The following REC114 variants were observed in gnomAD, a reference collection of about 807,000 sequenced individuals.
REC114 encodes the protein REC114 meiotic recombination protein.
A neutral mutation model predicts 31.3 loss-of-function variants in REC114; 27 were observed. The ratio of observed to expected loss-of-function variants is 0.86; its 90% CI spans 0.64 to 1.19. REC114 has a LOEUF of 1.19. REC114 is among the 50% of genes most tolerant of loss of function. The probability of loss-of-function intolerance (pLI) is 0.00; values close to 1 mark genes in which losing one functional copy is unlikely to be tolerated. For synonymous variants in REC114, 134 were observed against 127.7 expected (o/e 1.05, Z -0.33); for missense variants, 344 against 326.9 (o/e 1.05, Z -0.40).
Position 73,551,159 on chromosome 15 carries a change from G to A in REC114, c.546+9G>A. ...TCCCACGGCAGCCTGGAGTAAGTAG[G>A]CTGATGTGTTGGTTATACAGGAAAC... On this transcript the variant is annotated intron_variant, in intron 4 of 5. Coordinates refer to ENST00000331090, the MANE Select transcript of REC114 (RefSeq NM_001042367.2). The A allele has an allele frequency of 6.3e-7, 1 of 1,589,658 alleles. No individual in the cohort carries two copies. Among genetic ancestry groups the A allele is most frequent in the South Asian group, 1.1e-5 (1 of 87,920 alleles).
In REC114 at chr15:73,551,097, GC is replaced by G; in HGVS notation, c.494del (p.Ala165GlufsTer30). 1 of 1,613,254 alleles carries G rather than the reference GC, an allele frequency of 6.2e-7. No individual in the cohort carries two copies. Among genetic ancestry groups the G allele is most frequent in the South Asian group, 1.1e-5 (1 of 90,992 alleles). The stretch of plus-strand genomic sequence containing the variant: ...TCAGCTGATTCCTGGCCCACCCAGG[GC>G]AACTGAAAGTCAAGGGAAGGATTCT... ...ELQLIPGPPR[A>X]TESQGKDSAK... On this transcript the variant is annotated frameshift_variant, in exon 4 of 6. Transcript: ENST00000331090. LOFTEE classifies it high-confidence loss of function.
At chr15:73,480,269 TTTTTTA>T (rs917090469) in intron 2 of REC114, among the ~76,000 whole-genome samples, 2 of 151,934 alleles carry the variant, frequency 1.3e-5, no homozygotes, top group African/African-American at 4.8e-5. Context: ...TTTGCTAATT[TTTTTTA>T]TTTTTATTTT....
At chr15:73,535,038 T>C (rs1236725117) in intron 2 of REC114, among the ~76,000 whole-genome samples, 1 of 140,712 alleles carries the variant, frequency 7.1e-6, no homozygotes, top group Non-Finnish European at 1.5e-5. Flanking sequence ...TTCAAAATGA[T>C]AAGAGCTATC....
At chr15:73,526,069 C>G (rs1567889782) in intron 2 of REC114, among the ~76,000 whole-genome samples, 1 of 152,262 alleles carries the variant, frequency 6.6e-6, no homozygotes, top group East Asian at 1.9e-4. Flanking sequence ...AACCCTTTAT[C>G]ATAATGAGAT....
chr15:73,473,582 A>G (rs1893164730), intron 1 of REC114, among the ~76,000 whole-genome samples: 1 of 152,168 alleles, frequency 6.6e-6, no homozygotes, highest in South Asian at 2.1e-4. Flanking sequence ...ATGATTCTTA[A>G]TCTGATATTC....
At chr15:73,521,759 C>T (rs1483812099) in intron 2 of REC114, among the ~76,000 whole-genome samples, 2 of 152,012 alleles carry the variant, frequency 1.3e-5, no homozygotes, top group African/African-American at 2.4e-5. Flanking sequence ...CCAAAGCTAA[C>T]AGAAGAAAGA....
chr15:73,461,948 T>TA (rs1451060041), intron 1 of REC114, among the ~76,000 whole-genome samples: 8 of 132,664 alleles, frequency 6.0e-5, no homozygotes, highest in East Asian at 4.3e-4. Context: ...TTTTTTTTTT[T>TA]AAAGACAGAG....
chr15:73,538,144 C>T (rs192588637), intron 2 of REC114, among the ~76,000 whole-genome samples: 1 of 152,202 alleles, frequency 6.6e-6, no homozygotes, highest in African/African-American at 2.4e-5. Flanking sequence ...AAGCAGTGAA[C>T]AATATTTTCC....
At chr15:73,517,011 G>A (rs1446173793) in intron 2 of REC114, among the ~76,000 whole-genome samples, 1 of 152,176 alleles carries the variant, frequency 6.6e-6, no homozygotes, top group African/African-American at 2.4e-5. Context: ...TGTGTACTGG[G>A]GAAGGTGAGG....
At chr15:73,550,706 T>C (rs865873674) in intron 3 of REC114, among the ~76,000 whole-genome samples, 2 of 152,154 alleles carry the variant, frequency 1.3e-5, no homozygotes, top group African/African-American at 4.8e-5. Flanking sequence ...TTTTCCACTG[T>C]TGCTGATGTC....
chr15:73,531,855 A>T (rs939327652), intron 2 of REC114, among the ~76,000 whole-genome samples: 1 of 152,038 alleles, frequency 6.6e-6, no homozygotes, highest in Non-Finnish European at 1.5e-5. Context: ...CACCATTGAC[A>T]AGTTTCTCTG....
At chr15:73,514,286 C>T (rs1030241406) in intron 2 of REC114, among the ~76,000 whole-genome samples, 8 of 151,636 alleles carry the variant, frequency 5.3e-5, no homozygotes, top group Non-Finnish European at 8.8e-5. Flanking sequence ...GAGGCAATGC[C>T]GCGCCCTGCT....
At chr15:73,526,739 G>A (rs1359574428) in intron 2 of REC114, among the ~76,000 whole-genome samples, 1 of 152,080 alleles carries the variant, frequency 6.6e-6, no homozygotes, top group Non-Finnish European at 1.5e-5. Flanking sequence ...AAGGCTACTA[G>A]TCATTGTTGC....
chr15:73,472,962 A>T (rs1447012425), intron 1 of REC114, among the ~76,000 whole-genome samples: 1 of 152,156 alleles, frequency 6.6e-6, no homozygotes, highest in Non-Finnish European at 1.5e-5. Context: ...GATTATAGGC[A>T]ATAGTATTGC....
At chr15:73,552,860 C>G (rs999008356) in intron 4 of REC114, among the ~76,000 whole-genome samples, 1 of 152,206 alleles carries the variant, frequency 6.6e-6, no homozygotes, top group Admixed American at 6.5e-5. Context: ...GTTGCCCAGG[C>G]TGAAGTGTGC....
At chr15:73,498,289 C>A (rs1229991191) in intron 2 of REC114, among the ~76,000 whole-genome samples, 2 of 151,998 alleles carry the variant, frequency 1.3e-5, no homozygotes, top group African/African-American at 4.8e-5. Context: ...TGCCCGAGAT[C>A]ATTTGTTTCT....
intron 1 of REC114, among the ~76,000 whole-genome samples, chr15:73,466,523 T>C (rs1893062015): frequency 6.6e-6 from 1 of 152,080 alleles, no homozygotes; most frequent in Admixed American, 6.6e-5. Context: ...CATTGCACTC[T>C]AGCCTGGGTG....
intron 1 of REC114, among the ~76,000 whole-genome samples, 163 bp from the exon 2 acceptor site, chr15:73,473,669 A>G (rs1268421292): frequency 6.6e-6 from 1 of 151,450 alleles, no homozygotes; most frequent in African/African-American, 2.5e-5. Context: ...GGAGAAGCTT[A>G]AAGTTGTAAG....
chr15:73,473,994 C>A, intron 2 of REC114, 73 bp downstream of exon 2: 1 of 947,928 alleles, frequency 1.1e-6, no homozygotes, highest in Non-Finnish European at 1.6e-6. Context: ...ATTTTTGTAT[C>A]CTCAAGCTTC....
Sources: allele counts gnomAD v4.1 joint callset (sites outside exome capture counted in the v4.1 genomes callset), GRCh38; gene constraint gnomAD v4.1.1; transcripts MANE v1.5; gene names NCBI Gene and HGNC (gene_info 2026-07-23, HGNC 2026-07-21).